Variants in GNAQ observed in about 807,000 individuals in gnomAD.
GNAQ encodes the protein G protein subunit alpha q, also known as guanine nucleotide-binding protein G(q) subunit alpha.
A neutral mutation model predicts 43.9 loss-of-function variants in GNAQ; 8 were observed. The observed-to-expected ratio is 0.18, with a 90% confidence interval of 0.11 to 0.33. The LOEUF (loss-of-function observed/expected upper bound fraction) is 0.33. Among genes scored for constraint, GNAQ ranks in the 10% least tolerant of loss-of-function variants. The pLI is 1.00. For missense variants in GNAQ, 158 were observed against 450.8 expected, an observed-to-expected ratio of 0.35 and a Z score of 5.88; for synonymous variants, 155 against 170.7, an observed-to-expected ratio of 0.91 and a Z score of 0.71.
chr9:77,993,360 C>T (rs772187184), intron 1 of GNAQ, among the ~76,000 whole-genome samples: 2 of 152,066 alleles, frequency 1.3e-5, no homozygotes, highest in Non-Finnish European at 2.9e-5. Context: ...AATATAAACA[C>T]ATTGTTGATT....
chr9:77,746,404 T>G (rs1435500299), intron 5 of GNAQ, among the ~76,000 whole-genome samples: 2 of 152,106 alleles, frequency 1.3e-5, no homozygotes, highest in African/African-American at 2.4e-5. Flanking sequence ...CAACCAGTCC[T>G]GATTAGAAAA....
chr9:77,769,444 T>C (rs968688289), intron 5 of GNAQ, among the ~76,000 whole-genome samples: 15 of 151,392 alleles, frequency 9.9e-5, no homozygotes, highest in South Asian at 6.3e-4. Context: ...CCAAACATTA[T>C]TGAAAGGGTG....
chr9:77,797,069 G>A (rs746116357), intron 4 of GNAQ, among the ~76,000 whole-genome samples: 19 of 151,866 alleles, frequency 1.3e-4, no homozygotes, highest in Non-Finnish European at 2.2e-4. Context: ...GTCTCGCTTC[G>A]TAACCCAGGC....
At chr9:77,862,891 T>G (rs1827877870) in intron 2 of GNAQ, among the ~76,000 whole-genome samples, 1 of 152,188 alleles carries the variant, frequency 6.6e-6, no homozygotes, top group Non-Finnish European at 1.5e-5. Flanking sequence ...GCTTAGAAAT[T>G]TCTTCCGCCA....
At chr9:77,999,014 C>T (rs1823611419) in intron 1 of GNAQ, among the ~76,000 whole-genome samples, 1 of 148,324 alleles carries the variant, frequency 6.7e-6, no homozygotes, top group Admixed American at 6.9e-5. Flanking sequence ...ATCACTTGAA[C>T]CCAGGAGGCG....
rs534154792 is a variant in GNAQ, at chr9:77,929,197, TA to T, written c.137-6853del. ...CTCAACTTATTCCTATTCTTTCCCC[TA>T]AGAGTACATGTTCACTCTCTCTGCC... On this transcript the variant is annotated intron_variant, in intron 1 of 6. Coordinates refer to ENST00000286548, the MANE Select transcript of GNAQ (RefSeq NM_002072.5). Among the ~76,000 whole-genome samples, 77 of 152,298 alleles carry T rather than the reference TA, an allele frequency of 5.1e-4. 1 individual carries two copies. The highest frequency in any genetic ancestry group is 3.4e-3 in the Middle Eastern group (1 of 294).
At position 77,799,407 on chromosome 9, in the gene GNAQ, G is replaced by A. The variant is rs141997949; in HGVS notation, c.477-1759C>T. The stretch of plus-strand genomic sequence containing the variant: ...CAGTGGACATGACCTACCCAGGGTA[G>A]GGACTCTGACACACTCATCTTTATT... On this transcript the variant is annotated intron_variant, in intron 3 of 6. Transcript: ENST00000286548. Among the ~76,000 whole-genome samples the A allele has an allele frequency of 2.0e-3, 298 of 152,256 alleles. 1 individual carries two copies. Among genetic ancestry groups the A allele is most frequent in the African/African-American group, 6.7e-3 (278 of 41,544 alleles).
chr9:77,897,078 C>A (rs1279261833), intron 2 of GNAQ, among the ~76,000 whole-genome samples: 1 of 152,170 alleles, frequency 6.6e-6, no homozygotes, highest in Non-Finnish European at 1.5e-5. Context: ...GCCAACCCGC[C>A]CCTTTGCCCC....
chr9:78,012,709 C>A (rs1019271935), intron 1 of GNAQ, among the ~76,000 whole-genome samples: 2 of 151,950 alleles, frequency 1.3e-5, no homozygotes, highest in African/African-American at 4.8e-5. Context: ...TAATTGCAGA[C>A]ACAAATATAT....
At chr9:78,030,013 A>C (rs1056945246) in intron 1 of GNAQ, among the ~76,000 whole-genome samples, 4 of 152,108 alleles carry the variant, frequency 2.6e-5, no homozygotes, top group African/African-American at 9.7e-5. Context: ...ATCATCAATA[A>C]ATTTCTATTT....
chr9:77,936,123 A>G (rs576566591), intron 1 of GNAQ, among the ~76,000 whole-genome samples: 3 of 152,344 alleles, frequency 2.0e-5, no homozygotes, highest in Admixed American at 6.5e-5. Flanking sequence ...GCCTGCACAT[A>G]TGATGACTTC....
chr9:78,028,253 T>C (rs12340425), intron 1 of GNAQ, among the ~76,000 whole-genome samples: 1,741 of 152,234 alleles, frequency 0.011, 42 homozygotes, highest in African/African-American at 0.04. Flanking sequence ...TAATTCAAAA[T>C]TTAATGTAAT....
intron 2 of GNAQ, among the ~76,000 whole-genome samples, chr9:77,905,237 C>T (rs972116333): frequency 6.6e-6 from 1 of 152,180 alleles, no homozygotes; most frequent in Non-Finnish European, 1.5e-5. Flanking sequence ...GAAATTTTTA[C>T]AATTATTAGT....
intron 1 of GNAQ, among the ~76,000 whole-genome samples, chr9:78,008,025 A>C (rs1392296951): frequency 6.6e-6 from 1 of 152,228 alleles, no homozygotes; most frequent in Non-Finnish European, 1.5e-5. Context: ...ACGAGCTATA[A>C]TCATCGAGGC....
At chr9:77,879,215 G>A (rs971470053) in intron 2 of GNAQ, among the ~76,000 whole-genome samples, 5 of 152,084 alleles carry the variant, frequency 3.3e-5, no homozygotes, top group Admixed American at 6.6e-5. Flanking sequence ...TTAAAAAATT[G>A]TCTGTCACCC....
chr9:77,850,195 T>C (rs1042501660), intron 2 of GNAQ, among the ~76,000 whole-genome samples: 2 of 152,218 alleles, frequency 1.3e-5, no homozygotes, highest in Non-Finnish European at 2.9e-5. Flanking sequence ...CTGCTTCCAC[T>C]ACCCCTCAGA....
At chr9:77,760,331 T>G (rs1466600174) in intron 5 of GNAQ, among the ~76,000 whole-genome samples, 2 of 152,114 alleles carry the variant, frequency 1.3e-5, no homozygotes, top group Non-Finnish European at 2.9e-5. Context: ...CTCAGCCTGC[T>G]GAGTGCCTGC....
At chr9:77,887,203 A>G (rs1322020834) in intron 2 of GNAQ, among the ~76,000 whole-genome samples, 1 of 152,232 alleles carries the variant, frequency 6.6e-6, no homozygotes, top group Non-Finnish European at 1.5e-5. Flanking sequence ...AGGGTCTCCC[A>G]TGTTTGGGAA....
chr9:78,003,532 C>T (rs759961072), intron 1 of GNAQ, among the ~76,000 whole-genome samples: 18 of 152,036 alleles, frequency 1.2e-4, no homozygotes, highest in Non-Finnish European at 1.6e-4. Flanking sequence ...TGACAAGCTG[C>T]GGCCGGACAC....
Sources: gnomAD v4.1 joint callset for allele counts (sites outside exome capture counted in the v4.1 genomes callset) on GRCh38, gnomAD v4.1.1 for gene constraint, MANE v1.5 for transcripts, NCBI Gene and HGNC (gene_info 2026-07-23, HGNC 2026-07-21) for gene names.